FRAS1: variants seen among roughly 807,000 people sequenced by gnomAD.
The protein encoded by FRAS1 is Fraser extracellular matrix complex subunit 1.
In FRAS1, 290 loss-of-function variants were observed where a neutral mutation model predicts 435.2. The ratio of observed to expected loss-of-function variants is 0.67; its 90% CI spans 0.61 to 0.73. FRAS1 has a LOEUF of 0.73. Among genes scored for constraint, FRAS1 ranks in the 30% least tolerant of loss-of-function variants. The pLI is 0.00. For missense variants in FRAS1, 4,860 were observed against 5,001.5 expected (o/e 0.97, Z 0.85); for synonymous variants, 1,800 against 1,851.0 (o/e 0.97, Z 0.71).
At chr4:78,473,950 A>T (rs1719788196) in intron 53 of FRAS1, among the ~76,000 whole-genome samples, 1 of 152,204 alleles carries the variant, frequency 6.6e-6, no homozygotes, top group South Asian at 2.1e-4. Flanking sequence ...GATCTTAACG[A>T]TGTGCTCTAC....
chr4:78,085,254 T>C (rs1261389209), intron 2 of FRAS1, among the ~76,000 whole-genome samples: 1 of 152,152 alleles, frequency 6.6e-6, no homozygotes, highest in Non-Finnish European at 1.5e-5. Context: ...GTTTTAATTG[T>C]ATTTCTGTGT....
chr4:78,425,580 C>G (rs1208713247), intron 35 of FRAS1, among the ~76,000 whole-genome samples: 1 of 152,132 alleles, frequency 6.6e-6, no homozygotes, highest in East Asian at 1.9e-4. Flanking sequence ...CCAGCTCTTC[C>G]TTTCTTCTAT....
rs947049248 is a variant in FRAS1 at position 78,097,999 on chromosome 4, A to G, written c.108+31983A>G. ...AACCATCTTTGCTGATACCTTGGTC[A>G]TGGACTTCCAGCCTCCAGAACTGTG... On this transcript the variant is annotated intron_variant, in intron 2 of 73. Coordinates refer to ENST00000512123, the MANE Select transcript of FRAS1 (RefSeq NM_025074.7). Among the ~76,000 whole-genome samples, 4 of 152,220 alleles carry G rather than the reference A, an allele frequency of 2.6e-5. 1 individual carries two copies. Among genetic ancestry groups the G allele is most frequent in the South Asian group, 4.1e-4 (2 of 4,826 alleles).
At chr4:78,422,650 G>A (rs1041391234) in intron 34 of FRAS1, among the ~76,000 whole-genome samples, 1 of 152,228 alleles carries the variant, frequency 6.6e-6, no homozygotes, top group Non-Finnish European at 1.5e-5. Context: ...GGGAGAGACA[G>A]AGGCCATACC....
intron 15 of FRAS1, among the ~76,000 whole-genome samples, chr4:78,314,153 T>C (rs1222462616): frequency 1.3e-5 from 2 of 152,178 alleles, no homozygotes; most frequent in Non-Finnish European, 2.9e-5. Context: ...TGCCCACTTC[T>C]GTCTTATCCT....
chr4:78,484,034 C>G (rs1471030650), intron 58 of FRAS1, among the ~76,000 whole-genome samples: 1 of 152,022 alleles, frequency 6.6e-6, no homozygotes, highest in Non-Finnish European at 1.5e-5. Flanking sequence ...AAAATTATCT[C>G]ATGTGCCTTT....
At chr4:78,518,442 A>ATT (rs1195961402) in intron 66 of FRAS1, among the ~76,000 whole-genome samples, 4 of 66,876 alleles carry the variant, frequency 6.0e-5, no homozygotes, top group Admixed American at 1.5e-4. Context: ...ATATATATAT[A>ATT]TATATATATA....
rs187038525 is a variant in FRAS1, at chr4:78,341,646, G to A, written c.2422+3829G>A. On this transcript the variant is annotated intron_variant, in intron 20 of 73. Coordinates refer to ENST00000512123, the MANE Select transcript of FRAS1 (RefSeq NM_025074.7). ...ATTTAACATAATAGAAGCAACAGAGGTTGGTGCTCCCTCAGCCCTGGGGGG... is the reference window on the plus strand; with the variant it reads ...ATTTAACATAATAGAAGCAACAGAGATTGGTGCTCCCTCAGCCCTGGGGGG... Among the ~76,000 whole-genome samples, 56 of 152,292 alleles carry A rather than the reference G, an allele frequency of 3.7e-4. No homozygotes were observed. The Middle Eastern group carries it at 0.01, about 28-fold the overall frequency.
intron 1 of FRAS1, among the ~76,000 whole-genome samples, chr4:78,059,398 G>C (rs1331924217): frequency 6.6e-6 from 1 of 152,088 alleles, no homozygotes; most frequent in South Asian, 2.1e-4. Context: ...TGTCAAGTGT[G>C]TATAATCTCC....
intron 29 of FRAS1, among the ~76,000 whole-genome samples, chr4:78,394,914 T>G (rs2110339278): frequency 6.6e-6 from 1 of 152,172 alleles, no homozygotes; most frequent in South Asian, 2.1e-4. Context: ...TGGCATATCT[T>G]TCACCTTCTT....
At chr4:78,468,663 G>T (rs775684559) in intron 50 of FRAS1, among the ~76,000 whole-genome samples, 5 of 152,108 alleles carry the variant, frequency 3.3e-5, no homozygotes, top group Non-Finnish European at 7.4e-5. Context: ...TTCCCTTGCC[G>T]CCATTTTTAC....
intron 18 of FRAS1, among the ~76,000 whole-genome samples, chr4:78,323,280 C>T (rs1729580481): frequency 6.6e-6 from 1 of 152,176 alleles, no homozygotes; most frequent in Non-Finnish European, 1.5e-5. Context: ...CCGAATTGTG[C>T]ACATTTATTA....
chr4:78,141,720 G>A (rs573214553), intron 2 of FRAS1, among the ~76,000 whole-genome samples: 22 of 152,236 alleles, frequency 1.4e-4, no homozygotes, highest in South Asian at 8.3e-4. Context: ...TTGCAAAATC[G>A]TGGAACCAAC....
intron 2 of FRAS1, among the ~76,000 whole-genome samples, chr4:78,123,710 T>G (rs1211993923): frequency 2.0e-5 from 3 of 152,228 alleles, no homozygotes; most frequent in Non-Finnish European, 4.4e-5. Flanking sequence ...TTAAGTTGGA[T>G]TCCTAGGTAT....
intron 66 of FRAS1, among the ~76,000 whole-genome samples, chr4:78,517,665 A>G (rs1001816040): frequency 1.7e-4 from 26 of 152,332 alleles, no homozygotes; most frequent in African/African-American, 6.0e-4. Flanking sequence ...CTGAAATTGT[A>G]CTAATAATCT....
rs201755292 is a variant in FRAS1, at chr4:78,307,508, C to T, written c.1535-558C>T. 1.6e-4 allele frequency among the ~76,000 whole-genome samples: 25 copies of T among 152,350 alleles called. No individual in the cohort carries two copies. In the East Asian group the frequency reaches 4.6e-3, roughly 28 times the overall value. On this transcript the variant is annotated intron_variant, in intron 14 of 73. Coordinates refer to ENST00000512123, the MANE Select transcript of FRAS1 (RefSeq NM_025074.7). ...TGATCTCAGCTAGCAATCAGCGAGA[C>T]TCCGTGGGCGTAGGACTCTCCGAGC...
chr4:78,073,413 C>T (rs1048408139), intron 2 of FRAS1, among the ~76,000 whole-genome samples: 3 of 152,074 alleles, frequency 2.0e-5, no homozygotes, highest in East Asian at 3.8e-4. Flanking sequence ...TTAATTTGCT[C>T]AAACTATGTT....
At position 78,400,636 on chromosome 4, in the gene FRAS1, G is replaced by A. The variant is rs539735559; in HGVS notation, c.3976-98G>A. The A allele has an allele frequency of 3.3e-6, 4 of 1,207,468 alleles. No homozygotes were observed. The African/African-American group carries it at 6.2e-5, about 19-fold the overall frequency. 74.8% of individuals were successfully genotyped at this position (1,207,468 alleles called of 1,614,324 possible). Reference sequence around the variant, plus strand: ...TGTGAATCTCTCTGTCTTATTAGACGATCTTTAACAACAACAGAACTGGAT... The same window carrying A: ...TGTGAATCTCTCTGTCTTATTAGACAATCTTTAACAACAACAGAACTGGAT... On this transcript the variant is annotated intron_variant, in intron 29 of 73. Transcript: ENST00000512123.
At chr4:78,215,045 A>G (rs1723697878) in intron 2 of FRAS1, among the ~76,000 whole-genome samples, 1 of 152,212 alleles carries the variant, frequency 6.6e-6, no homozygotes, top group South Asian at 2.1e-4. Context: ...AAGTGTCAAG[A>G]TGCAGAGAGA....
Sources: allele counts gnomAD v4.1 joint callset (sites outside exome capture counted in the v4.1 genomes callset), GRCh38; gene constraint gnomAD v4.1.1; transcripts MANE v1.5; gene names NCBI Gene and HGNC (gene_info 2026-07-23, HGNC 2026-07-21).